ADGRD1: variants seen among roughly 807,000 people sequenced by gnomAD.
The protein encoded by ADGRD1 is G-protein coupled receptor 133.
In ADGRD1, 77 loss-of-function variants were observed where a neutral mutation model predicts 113.4. That is an observed-to-expected ratio of 0.68 (90% confidence interval 0.57 to 0.82). The LOEUF (loss-of-function observed/expected upper bound fraction) is 0.82. Among genes scored for constraint, ADGRD1 ranks in the 40% least tolerant of loss-of-function variants. The probability of loss-of-function intolerance (pLI) is 0.00; values close to 1 mark genes in which losing one functional copy is unlikely to be tolerated. For synonymous variants in ADGRD1, 474 were observed against 475.0 expected, an observed-to-expected ratio of 1.00 and a Z score of 0.03; for missense variants, 1,036 against 1,139.1, an observed-to-expected ratio of 0.91 and a Z score of 1.30.
At chr12:130,957,893 C>T (rs1869851435) in intron 2 of ADGRD1, 1 of 152,330 alleles carries the variant, frequency 6.6e-6, no homozygotes, top group Non-Finnish European at 1.5e-5. Context: ...CCCTCTTTTT[C>T]TCCTCGTCCT....
chr12:131,101,373 C>CTTTTTTTTTTTTTTTTTTTTTTTTTT (rs796951608), intron 15 of ADGRD1, among the ~76,000 whole-genome samples: 1 of 79,348 alleles, frequency 1.3e-5, no homozygotes, highest in Non-Finnish European at 2.4e-5. Flanking sequence ...CTTTTTCTTT[C>CTTTTTTTTTTTTTTTTTTTTTTTTTT]TTTCTTTTTT....
In ADGRD1 at chr12:130,987,101, A is replaced by G; in HGVS notation, c.497A>G (p.Tyr166Cys). The G allele has an allele frequency of 1.9e-6, 3 of 1,613,786 alleles. No individual in the cohort carries two copies. Among genetic ancestry groups the G allele is most frequent in the Non-Finnish European group, 2.5e-6 (3 of 1,179,686 alleles). ...WEASFSPPGP[Y>C]WTHVLFTWKS... ...GATCTTCACTCTTTTCCAGGCCCCTATTGGACTCATGTCCTATTTACATGG... is the reference window on the plus strand; with the variant it reads ...GATCTTCACTCTTTTCCAGGCCCCTGTTGGACTCATGTCCTATTTACATGG... The change falls in exon 6 of 25, where the codon TAT becomes TGT. Residue 166 changes from tyrosine (Y) to cysteine (C), a missense_variant. Physicochemically the swap from Tyr to Cys is radical, Grantham distance 194. Transcript: ENST00000261654.
At chr12:131,059,410 A>C (rs1376839573) in intron 13 of ADGRD1, among the ~76,000 whole-genome samples, 1 of 152,148 alleles carries the variant, frequency 6.6e-6, no homozygotes, top group Non-Finnish European at 1.5e-5. Flanking sequence ...TGAACTCTTG[A>C]CCTTAAGTGA....
rs548830285 is a variant in ADGRD1, at chr12:130,985,604, G to A, written c.491-1491G>A. 7.1e-4 allele frequency among the ~76,000 whole-genome samples: 108 copies of A among 151,340 alleles called. 1 individual carries two copies. The highest frequency in any genetic ancestry group is 4.7e-4 in the Non-Finnish European group (32 of 67,920). On this transcript the variant is annotated intron_variant, in intron 5 of 24. Coordinates refer to ENST00000261654, the MANE Select transcript of ADGRD1 (RefSeq NM_198827.5). ...TGGCTCTTGTTGTCCAGGCTGGAGT[G>A]CAATGGGGCGATCTCGGCTCACTGC...
intron 15 of ADGRD1, 137 bp from the exon 16 acceptor site, chr12:131,104,694 T>TGGGCTGGGAGGC (rs1950189034): frequency 3.5e-6 from 2 of 577,580 alleles, no homozygotes; most frequent in Admixed American, 6.5e-5. Context: ...AACAGACATT[T>TGGGCTGGGAGGC]GGGCTGGGAG....
intron 13 of ADGRD1, chr12:131,069,185 G>A: frequency 6.6e-6 from 1 of 152,374 alleles, no homozygotes; most frequent in Non-Finnish European, 1.5e-5. Flanking sequence ...TGAGGGCAGG[G>A]CCATGCACTA....
intron 20 of ADGRD1, among the ~76,000 whole-genome samples, chr12:131,127,399 C>T (rs983720040): frequency 2.6e-5 from 4 of 152,188 alleles, no homozygotes; most frequent in South Asian, 2.1e-4. Context: ...CTGAGAGGTC[C>T]GGGGCAGAAC....
chr12:131,114,003 G>A (rs771358406), intron 18 of ADGRD1, among the ~76,000 whole-genome samples: 4 of 152,176 alleles, frequency 2.6e-5, no homozygotes, highest in African/African-American at 4.8e-5. Flanking sequence ...GCACACACAC[G>A]CACACACACT....
chr12:131,080,610 C>T (rs908435409), intron 14 of ADGRD1, among the ~76,000 whole-genome samples: 4 of 151,974 alleles, frequency 2.6e-5, no homozygotes, highest in Non-Finnish European at 5.9e-5. Flanking sequence ...ATGTCTACTT[C>T]TAGTTTTATT....
At chr12:131,002,781 TC>T in intron 9 of ADGRD1, 1 of 1,243,516 alleles carries the variant, frequency 8.0e-7, no homozygotes, top group Non-Finnish European at 1.0e-6. Flanking sequence ...GCTGCTGGTG[TC>T]CCCATCCCAG....
chr12:131,104,731 C>G lies in ADGRD1; in HGVS notation c.1672-100C>G, dbSNP rs1950190384. The G allele has an allele frequency of 1.4e-5, 10 of 715,910 alleles. No individual in the cohort carries two copies. The South Asian group carries it at 1.8e-4, about 13-fold the overall frequency. The allele number at this position is 715,910 out of a possible 1,614,324, so 44.3% of individuals were successfully genotyped here. ...CAGGCTTGGTGGTCAGCACCACACT[C>G]ACAGGGGACCAGCTGTGCACCCACC... On this transcript the variant is annotated intron_variant, in intron 15 of 24. Coordinates refer to ENST00000261654, the MANE Select transcript of ADGRD1 (RefSeq NM_198827.5).
At chr12:131,037,483 C>T (rs1289414408) in intron 13 of ADGRD1, among the ~76,000 whole-genome samples, 1 of 141,560 alleles carries the variant, frequency 7.1e-6, no homozygotes, top group Non-Finnish European at 1.5e-5. Flanking sequence ...GGGCCTCACT[C>T]ACTGCACTGG....
At chr12:131,133,996 A>G (rs1254504519) in intron 21 of ADGRD1, among the ~76,000 whole-genome samples, 1 of 152,178 alleles carries the variant, frequency 6.6e-6, no homozygotes, top group East Asian at 1.9e-4. Flanking sequence ...CCCCAAGAAA[A>G]GTGGAGAATA....
At chr12:130,988,300 G>A (rs1405541693) in intron 6 of ADGRD1, 3 of 151,840 alleles carry the variant, frequency 2.0e-5, no homozygotes, top group African/African-American at 7.2e-5. Context: ...ACAAGTGAAT[G>A]CACCATTTTT....
intron 13 of ADGRD1, among the ~76,000 whole-genome samples, chr12:131,054,390 GT>G (rs1386914403): frequency 1.3e-5 from 2 of 152,168 alleles, no homozygotes; most frequent in Non-Finnish European, 2.9e-5. Flanking sequence ...TGTATAGTAT[GT>G]ACTCTTTTCT....
chr12:131,001,645 CAA>C (rs1248180936), intron 9 of ADGRD1, among the ~76,000 whole-genome samples: 2 of 152,220 alleles, frequency 1.3e-5, no homozygotes, highest in African/African-American at 4.8e-5. Flanking sequence ...CTCTGCCATG[CAA>C]AGTCCAGAGT....
chr12:131,007,566 G>A (rs1311026451), intron 12 of ADGRD1, among the ~76,000 whole-genome samples: 1 of 152,182 alleles, frequency 6.6e-6, no homozygotes, highest in Non-Finnish European at 1.5e-5. Context: ...TGTCCTCACG[G>A]ACCCAGGTGT....
rs772753285 is a variant in ADGRD1 at position 130,971,715 on chromosome 12, G to A, written c.310+135G>A. ...TGCGTGAGAATGTCAACGATGGATC[G>A]GAGGGCAGGGGAGGGAGGAATACAG... On this transcript the variant is annotated intron_variant, in intron 4 of 24. Coordinates refer to ENST00000261654, the MANE Select transcript of ADGRD1 (RefSeq NM_198827.5). This position sits in a 1 kb window ranked among gnomAD's most constrained non-coding sequence, Gnocchi z 4.2. The A allele has an allele frequency of 4.4e-5, 37 of 848,964 alleles. No homozygotes were observed. Among genetic ancestry groups the A allele is most frequent in the African/African-American group, 2.9e-4 (17 of 57,806 alleles). 52.6% of individuals were successfully genotyped at this position (848,964 alleles called of 1,614,324 possible).
intron 4 of ADGRD1, among the ~76,000 whole-genome samples, chr12:130,979,790 G>A (rs904076412): frequency 3.4e-5 from 5 of 145,040 alleles, no homozygotes; most frequent in African/African-American, 1.3e-4. Flanking sequence ...GCTGTCAGGG[G>A]CAGAATCCAG....
Sources: allele counts gnomAD v4.1 joint callset (sites outside exome capture counted in the v4.1 genomes callset), GRCh38; gene constraint gnomAD v4.1.1; non-coding constraint Gnocchi (gnomAD v3.1); transcripts MANE v1.5; gene names NCBI Gene and HGNC (gene_info 2026-07-23, HGNC 2026-07-21).